Variants in KIAA1217 observed in about 807,000 individuals in gnomAD.
KIAA1217 encodes the protein sickle tail protein homolog.
KIAA1217 carries 88 observed loss-of-function variants against 163.9 expected under a neutral mutation model. That is an observed-to-expected ratio of 0.54 (90% confidence interval 0.45 to 0.64). The LOEUF is 0.64. Among genes scored for constraint, KIAA1217 ranks in the 30% least tolerant of loss-of-function variants. The pLI is 0.00. For missense variants in KIAA1217, 2,372 were observed against 2,475.0 expected (o/e 0.96, Z 0.88); for synonymous variants, 903 against 923.1 (o/e 0.98, Z 0.39).
chr10:23,853,218 C>A (rs1839449967), intron 1 of KIAA1217, among the ~76,000 whole-genome samples: 1 of 152,138 alleles, frequency 6.6e-6, no homozygotes. Flanking sequence ...GAGTTTTTAG[C>A]ATGAAGAGTT....
chr10:24,433,622 G>C (rs1172384269), intron 4 of KIAA1217, among the ~76,000 whole-genome samples: 2 of 152,152 alleles, frequency 1.3e-5, no homozygotes, highest in African/African-American at 4.8e-5. Context: ...GCCCAAAAAG[G>C]TAGCGGAGAG....
intron 1 of KIAA1217, among the ~76,000 whole-genome samples, chr10:23,981,225 T>A (rs1401174837): frequency 6.6e-6 from 1 of 152,210 alleles, no homozygotes; most frequent in Non-Finnish European, 1.5e-5. Context: ...GTAAGGAAAT[T>A]TTGTTTAATT....
At chr10:23,745,390 G>A (rs935204378) in intron 1 of KIAA1217, among the ~76,000 whole-genome samples, 16 of 152,106 alleles carry the variant, frequency 1.1e-4, no homozygotes, top group Non-Finnish European at 2.2e-4. Flanking sequence ...ATAACATCAC[G>A]TCGAGTTGCT....
At chr10:24,484,241 A>ATATATATATATATATTTTTTTTT (rs1376083298) in intron 6 of KIAA1217, among the ~76,000 whole-genome samples, 8 of 75,148 alleles carry the variant, frequency 1.1e-4, no homozygotes, top group African/African-American at 1.5e-4. Flanking sequence ...ATATATATAT[A>ATATATATATATATATTTTTTTTT]TTTTTTTTTT....
chr10:24,537,492 G>A (rs1170234217), intron 17 of KIAA1217, among the ~76,000 whole-genome samples: 4 of 151,542 alleles, frequency 2.6e-5, no homozygotes, highest in African/African-American at 4.9e-5. Context: ...CAGGAGGATC[G>A]CTTGAACCCA....
rs1231119359 is a variant in KIAA1217 at position 23,893,962 on chromosome 10, A to G, written c.-320-113263A>G. ...CAACCCTTCATGCTAAAAACTCTCA[A>G]TAAATTAGGTATTGATGGGATGTAT... On this transcript the variant is annotated intron_variant, in intron 1 of 18. Transcript: ENST00000376462. Among the ~76,000 whole-genome samples, 75 of 152,208 alleles carry G rather than the reference A, an allele frequency of 4.9e-4. 1 individual carries two copies. The East Asian group carries it at 0.011, about 22-fold the overall frequency.
At chr10:24,315,929 T>G (rs1423240111) in intron 2 of KIAA1217, among the ~76,000 whole-genome samples, 12 of 141,942 alleles carry the variant, frequency 8.5e-5, no homozygotes, top group African/African-American at 2.1e-4. Context: ...TTTTATCTAA[T>G]GGGGGGGGGG....
intron 16 of KIAA1217, among the ~76,000 whole-genome samples, chr10:24,536,253 A>G (rs1592748744): frequency 6.6e-6 from 1 of 152,184 alleles, no homozygotes; most frequent in Non-Finnish European, 1.5e-5. Flanking sequence ...TTTACTCTAA[A>G]TGAGCCTCAG....
At chr10:24,206,018 C>T (rs1305663267), upstream of KIAA1217, among the ~76,000 whole-genome samples, 1 of 152,156 alleles carries the variant, frequency 6.6e-6, no homozygotes, top group African/African-American at 2.4e-5. Flanking sequence ...TTTATCTCGT[C>T]ACTTGTCTTT....
chr10:24,244,175 G>C (rs1388811933), intron 2 of KIAA1217, among the ~76,000 whole-genome samples: 2 of 152,134 alleles, frequency 1.3e-5, no homozygotes, highest in African/African-American at 4.8e-5. Flanking sequence ...TATTCTCTTT[G>C]AATGTCATTT....
At chr10:24,022,453 C>T (rs11013856) in intron 2 of KIAA1217, among the ~76,000 whole-genome samples, 1 of 151,476 alleles carries the variant, frequency 6.6e-6, no homozygotes, top group Non-Finnish European at 1.5e-5. Context: ...TTTTAAAAAG[C>T]TGACAAACCA....
chr10:23,752,513 A>C (rs186337480), intron 1 of KIAA1217, among the ~76,000 whole-genome samples: 24 of 152,356 alleles, frequency 1.6e-4, no homozygotes, highest in Admixed American at 1.3e-3. Flanking sequence ...ATTTTTAAAC[A>C]GCTTGATATA....
intron 1 of KIAA1217, among the ~76,000 whole-genome samples, chr10:23,833,478 C>CT (rs1233721914): frequency 2.1e-5 from 3 of 139,552 alleles, no homozygotes; most frequent in African/African-American, 5.4e-5. Flanking sequence ...GTGAGACTGT[C>CT]TAAAAAAAAA....
At chr10:24,198,717 A>G (rs189053568) in intron 2 of KIAA1217, among the ~76,000 whole-genome samples, 27 of 152,336 alleles carry the variant, frequency 1.8e-4, no homozygotes, top group Admixed American at 1.7e-3. Context: ...AGGCTCACAT[A>G]TAAGCAAAGA....
intron 1 of KIAA1217, among the ~76,000 whole-genome samples, chr10:23,951,603 T>C (rs1034662449): frequency 6.6e-6 from 1 of 151,984 alleles, no homozygotes; most frequent in East Asian, 1.9e-4. Flanking sequence ...CTGTGAGCCA[T>C]GATTGTACCA....
chr10:23,801,887 T>C (rs1836484475), intron 1 of KIAA1217, among the ~76,000 whole-genome samples: 1 of 152,172 alleles, frequency 6.6e-6, no homozygotes, highest in Admixed American at 6.5e-5. Context: ...TTAAAACCAT[T>C]AAGCTCTCTC....
intron 1 of KIAA1217, among the ~76,000 whole-genome samples, chr10:23,785,996 C>T (rs1422447198): frequency 6.6e-6 from 1 of 152,048 alleles, no homozygotes; most frequent in Non-Finnish European, 1.5e-5. Flanking sequence ...AAAAATAAAT[C>T]AGACATAAAA....
chr10:23,879,088 A>G (rs760463626), intron 1 of KIAA1217, among the ~76,000 whole-genome samples: 8 of 151,966 alleles, frequency 5.3e-5, no homozygotes, highest in African/African-American at 9.7e-5. Context: ...GTGAAGACAT[A>G]CATTTGAGGC....
intron 2 of KIAA1217, among the ~76,000 whole-genome samples, chr10:24,025,868 T>G (rs1847920800): frequency 6.6e-6 from 1 of 152,010 alleles, no homozygotes; most frequent in African/African-American, 2.4e-5. Flanking sequence ...TTCCGTGACC[T>G]TACTAAACTT....
Sources: allele counts gnomAD v4.1 joint callset (sites outside exome capture counted in the v4.1 genomes callset), GRCh38; gene constraint gnomAD v4.1.1; transcripts MANE v1.5; gene names NCBI Gene and HGNC (gene_info 2026-07-23, HGNC 2026-07-21).